Variants in DIAPH3 observed in about 807,000 individuals in gnomAD.
The protein encoded by DIAPH3 is diaphanous related formin 3.
A neutral mutation model predicts 144.3 loss-of-function variants in DIAPH3; 117 were observed. That is an observed-to-expected ratio of 0.81 (90% CI 0.70 to 0.95). DIAPH3 has a LOEUF of 0.95. DIAPH3 is among the 40% of genes least tolerant of loss of function. The pLI is 0.00. For synonymous variants in DIAPH3, 519 were observed against 488.9 expected (o/e 1.06, Z -0.81); for missense variants, 1,421 against 1,412.7 (o/e 1.01, Z -0.09).
At chr13:59,792,325 C>T (rs1014944282) in intron 25 of DIAPH3, among the ~76,000 whole-genome samples, 2 of 152,214 alleles carry the variant, frequency 1.3e-5, no homozygotes, top group African/African-American at 4.8e-5. Context: ...CATTCAGTTA[C>T]ACTGCTGCCA....
intron 3 of DIAPH3, among the ~76,000 whole-genome samples, chr13:60,106,310 G>C (rs1048980577): frequency 6.6e-6 from 1 of 152,042 alleles, no homozygotes; most frequent in Non-Finnish European, 1.5e-5. Context: ...TAACATTAGA[G>C]ATATTACAAA....
chr13:60,040,970 T>A (rs189990921), intron 5 of DIAPH3, among the ~76,000 whole-genome samples: 1 of 152,096 alleles, frequency 6.6e-6, no homozygotes, highest in African/African-American at 2.4e-5. Flanking sequence ...TCTGCCACCA[T>A]GCCTGGCTAA....
chr13:59,732,812 A>G (rs1023640841), intron 27 of DIAPH3, among the ~76,000 whole-genome samples: 1 of 152,182 alleles, frequency 6.6e-6, no homozygotes, highest in Non-Finnish European at 1.5e-5. Flanking sequence ...TTAATCAGTG[A>G]AATCAGAAAA....
intron 25 of DIAPH3, among the ~76,000 whole-genome samples, chr13:59,794,137 T>G (rs965208202): frequency 1.3e-5 from 2 of 152,220 alleles, no homozygotes; most frequent in African/African-American, 4.8e-5. Context: ...TGTTCTGGAA[T>G]GTTTTAGGTA....
intron 1 of DIAPH3, among the ~76,000 whole-genome samples, chr13:60,151,242 T>C (rs1366447874): frequency 6.6e-6 from 1 of 152,218 alleles, no homozygotes; most frequent in Non-Finnish European, 1.5e-5. Flanking sequence ...GCCTAAGCTA[T>C]CGTAACATGT....
chr13:59,814,567 T>C (rs2040664255), intron 24 of DIAPH3, among the ~76,000 whole-genome samples: 2 of 152,198 alleles, frequency 1.3e-5, no homozygotes, highest in South Asian at 4.1e-4. Context: ...AAAAACTGAA[T>C]AATTAAATGA....
chr13:59,721,382 T>A (rs1237126795), intron 27 of DIAPH3, among the ~76,000 whole-genome samples: 1 of 152,170 alleles, frequency 6.6e-6, no homozygotes, highest in African/African-American at 2.4e-5. Flanking sequence ...TAAATAAAGA[T>A]GATTTTATTG....
At chr13:59,898,560 T>C (rs2046257999) in intron 20 of DIAPH3, among the ~76,000 whole-genome samples, 2 of 152,172 alleles carry the variant, frequency 1.3e-5, no homozygotes. Context: ...TTAAAATAAA[T>C]AAAGCATCTG....
chr13:59,859,911 T>C (rs1417022165), intron 22 of DIAPH3, among the ~76,000 whole-genome samples: 1 of 152,196 alleles, frequency 6.6e-6, no homozygotes, highest in Non-Finnish European at 1.5e-5. Flanking sequence ...TATGGGAAGA[T>C]TCTTCTTATA....
In DIAPH3 at chr13:60,047,959, G is replaced by T. The variant is rs572204417; in HGVS notation, c.496-5139C>A. 5.7e-4 allele frequency among the ~76,000 whole-genome samples: 87 copies of T among 152,302 alleles called. No individual in the cohort carries two copies. The South Asian group carries it at 0.018, about 31-fold the overall frequency. ...TGTTACTATTTCACAGATGCTGGCA[G>T]AAAACACAAGACTCCTGGATTAGAG... On this transcript the variant is annotated intron_variant, in intron 4 of 27. Transcript: ENST00000400324.
intron 27 of DIAPH3, among the ~76,000 whole-genome samples, chr13:59,724,179 C>T (rs1402711689): frequency 2.6e-5 from 4 of 152,028 alleles, no homozygotes; most frequent in Admixed American, 1.3e-4. Context: ...TATATGTATA[C>T]CCTACACAAC....
At chr13:59,784,408 CT>C (rs2139354826) in intron 25 of DIAPH3, among the ~76,000 whole-genome samples, 2 of 147,016 alleles carry the variant, frequency 1.4e-5, no homozygotes, top group Admixed American at 1.4e-4. Flanking sequence ...TTGAAGACAG[CT>C]CTGTCACCCA....
chr13:59,999,690 G>A (rs1406428623), intron 9 of DIAPH3, among the ~76,000 whole-genome samples: 1 of 152,096 alleles, frequency 6.6e-6, no homozygotes, highest in Non-Finnish European at 1.5e-5. Flanking sequence ...GGCTTGTCAA[G>A]CTCTCTTAGA....
At chr13:59,923,042 C>G (rs2047590678) in intron 18 of DIAPH3, among the ~76,000 whole-genome samples, 1 of 152,068 alleles carries the variant, frequency 6.6e-6, no homozygotes, top group Admixed American at 6.6e-5. Flanking sequence ...AAATACAGAA[C>G]TAGTAAACAA....
chr13:60,149,346 G>A (rs1391175052), intron 1 of DIAPH3, among the ~76,000 whole-genome samples: 1 of 152,160 alleles, frequency 6.6e-6, no homozygotes, highest in Non-Finnish European at 1.5e-5. Flanking sequence ...GGTATCAAGG[G>A]GCATGCTAAG....
chr13:60,104,566 G>GCACACACACACACACACA (rs10633554), intron 3 of DIAPH3, among the ~76,000 whole-genome samples: 1 of 147,026 alleles, frequency 6.8e-6, no homozygotes, highest in African/African-American at 2.5e-5. Flanking sequence ...CAGTATCAAG[G>GCACACACACACACACACA]CACACACACA....
At position 59,759,766 on chromosome 13, in the gene DIAPH3, A is replaced by C. The variant is rs2037478636; in HGVS notation, c.3319+14423T>G. Among the ~76,000 whole-genome samples the C allele has an allele frequency of 2.0e-5, 3 of 152,070 alleles. No homozygotes were observed. The South Asian group carries it at 6.2e-4, about 32-fold the overall frequency. ...CGAGACCAGCCTGGCCAACATGGTG[A>C]CACCCCATCTCTACTAAAAATACAA... is the stretch of plus-strand genomic sequence containing the variant. On this transcript the variant is annotated intron_variant, in intron 27 of 27. Transcript: ENST00000400324.
intron 1 of DIAPH3, among the ~76,000 whole-genome samples, chr13:60,157,618 G>T (rs1952093084): frequency 1.3e-5 from 2 of 152,124 alleles, no homozygotes; most frequent in Admixed American, 6.5e-5. Context: ...TTTCTTGTTT[G>T]TATGGGTCAC....
At chr13:59,793,077 T>G (rs957372614) in intron 25 of DIAPH3, among the ~76,000 whole-genome samples, 1 of 152,168 alleles carries the variant, frequency 6.6e-6, no homozygotes, top group Admixed American at 6.5e-5. Flanking sequence ...TCCTTTTAGA[T>G]AGAAAACAGG....
Sources: allele counts gnomAD v4.1 joint callset (sites outside exome capture counted in the v4.1 genomes callset), GRCh38; gene constraint gnomAD v4.1.1; transcripts MANE v1.5; gene names NCBI Gene and HGNC (gene_info 2026-07-23, HGNC 2026-07-21).